The following RABL3 variants were observed in gnomAD, a reference collection of about 807,000 sequenced individuals.
RABL3 encodes rab-like protein 3.
A neutral mutation model predicts 31.8 loss-of-function variants in RABL3; 31 were observed. The observed-to-expected ratio is 0.97, with a 90% CI of 0.73 to 1.31. The LOEUF is 1.31. RABL3 is among the 40% of genes most tolerant of loss of function. RABL3 has a pLI of 0.00. For missense variants in RABL3, 263 were observed against 279.6 expected, an observed-to-expected ratio of 0.94 and a Z score of 0.42; for synonymous variants, 97 against 99.9, an observed-to-expected ratio of 0.97 and a Z score of 0.18.
chr3:120,696,836 C>G (rs751859166), intron 5 of RABL3, among the ~76,000 whole-genome samples: 1 of 152,124 alleles, frequency 6.6e-6, no homozygotes, highest in African/African-American at 2.4e-5. Flanking sequence ...TCAGTGCTGA[C>G]TACCTGGGGT....
chr3:120,729,994 G>A (rs1300160341), intron 2 of RABL3, among the ~76,000 whole-genome samples: 4 of 151,410 alleles, frequency 2.6e-5, no homozygotes, highest in African/African-American at 9.7e-5. Context: ...TATTTTAAAA[G>A]CAACCAAAGA....
intron 2 of RABL3, among the ~76,000 whole-genome samples, chr3:120,721,132 T>A (rs951982315): frequency 2.0e-5 from 3 of 152,136 alleles, no homozygotes; most frequent in African/African-American, 7.2e-5. Flanking sequence ...GATAAGCAAA[T>A]GCTGAGAGAT....
intron 6 of RABL3, 93 bp from the exon 7 acceptor site, chr3:120,690,580 C>T: frequency 1.2e-6 from 1 of 831,902 alleles, no homozygotes; most frequent in Non-Finnish European, 2.0e-6. Flanking sequence ...AGGAATATAT[C>T]CAAACTAAGA....
intron 1 of RABL3, among the ~76,000 whole-genome samples, chr3:120,733,243 A>T (rs565081059): frequency 1.3e-5 from 2 of 152,196 alleles, no homozygotes; most frequent in East Asian, 3.9e-4. Context: ...TGACTTTTTA[A>T]TGATCGCCAT....
At chr3:120,695,524 G>A (rs1174585073) in intron 5 of RABL3, among the ~76,000 whole-genome samples, 1 of 152,082 alleles carries the variant, frequency 6.6e-6, no homozygotes, top group East Asian at 1.9e-4. Context: ...GACATACTGG[G>A]TAGTAAAATA....
intron 2 of RABL3, among the ~76,000 whole-genome samples, chr3:120,712,289 C>T (rs1708621310): frequency 6.6e-6 from 1 of 152,024 alleles, no homozygotes; most frequent in Admixed American, 6.6e-5. Flanking sequence ...AGTTGAGGAC[C>T]ATTTGGGATA....
intron 2 of RABL3, among the ~76,000 whole-genome samples, chr3:120,713,919 T>C (rs1708638866): frequency 6.6e-6 from 1 of 151,358 alleles, no homozygotes; most frequent in Admixed American, 6.6e-5. Flanking sequence ...TCAGCGATTC[T>C]CCTGCCTCAG....
At chr3:120,736,194 T>C (rs1576349485) in intron 1 of RABL3, among the ~76,000 whole-genome samples, 1 of 152,196 alleles carries the variant, frequency 6.6e-6, no homozygotes, top group East Asian at 1.9e-4. Flanking sequence ...TCTTTGTAGG[T>C]CTCCAAGGAC....
chr3:120,733,600 T>G (rs543284271), intron 1 of RABL3, among the ~76,000 whole-genome samples: 1 of 152,228 alleles, frequency 6.6e-6, no homozygotes, highest in Non-Finnish European at 1.5e-5. Flanking sequence ...TTGCCATTGC[T>G]TTTGGTGTTT....
chr3:120,737,460 G>A (rs2107599219), intron 1 of RABL3, among the ~76,000 whole-genome samples: 1 of 152,324 alleles, frequency 6.6e-6, no homozygotes, highest in Admixed American at 6.5e-5. Context: ...TCTTTGCAAT[G>A]GGTTTGAACT....
chr3:120,739,295 T>C (rs1709012483), intron 1 of RABL3, among the ~76,000 whole-genome samples: 1 of 151,724 alleles, frequency 6.6e-6, no homozygotes, highest in South Asian at 2.1e-4. Flanking sequence ...GAGAATCACT[T>C]GAACCCAGGA....
chr3:120,720,971 A>G (rs1708732900), intron 2 of RABL3, among the ~76,000 whole-genome samples: 1 of 151,928 alleles, frequency 6.6e-6, no homozygotes, highest in Non-Finnish European at 1.5e-5. Flanking sequence ...AGCACATCAG[A>G]CTAACAGCTG....
At chr3:120,704,927 G>A (rs1232170677) in intron 4 of RABL3, among the ~76,000 whole-genome samples, 2 of 152,106 alleles carry the variant, frequency 1.3e-5, no homozygotes, top group African/African-American at 2.4e-5. Context: ...TTGGGAGGCC[G>A]AGGCACAATA....
intron 4 of RABL3, among the ~76,000 whole-genome samples, chr3:120,702,855 C>T (rs2107579496): frequency 6.6e-6 from 1 of 152,284 alleles, no homozygotes; most frequent in Non-Finnish European, 1.5e-5. Context: ...CCGCGCCGGG[C>T]CCAGAAGGGA....
At chr3:120,725,034 T>C (rs549979815) in intron 2 of RABL3, among the ~76,000 whole-genome samples, 3 of 151,770 alleles carry the variant, frequency 2.0e-5, no homozygotes, top group Non-Finnish European at 4.4e-5. Flanking sequence ...TGGGAGAAAA[T>C]GTTTGCAATC....
intron 5 of RABL3, among the ~76,000 whole-genome samples, chr3:120,695,456 G>T (rs1708426711): frequency 6.6e-6 from 1 of 152,034 alleles, no homozygotes; most frequent in Non-Finnish European, 1.5e-5. Context: ...TTGTGGAATG[G>T]GGATAACAAT....
At chr3:120,738,329 C>T (rs1028137730) in intron 1 of RABL3, among the ~76,000 whole-genome samples, 8 of 152,206 alleles carry the variant, frequency 5.3e-5, no homozygotes, top group Non-Finnish European at 1.2e-4. Flanking sequence ...TCCTGGTGTG[C>T]TGTTTGCTAA....
At chr3:120,691,444 C>G (rs1708379061) in intron 6 of RABL3, among the ~76,000 whole-genome samples, 1 of 152,054 alleles carries the variant, frequency 6.6e-6, no homozygotes, top group Non-Finnish European at 1.5e-5. Flanking sequence ...ACTTTTTTCA[C>G]TTTCAGTATA....
intron 5 of RABL3, 95 bp downstream of exon 5, chr3:120,698,328 T>C: frequency 1.7e-6 from 2 of 1,205,484 alleles, no homozygotes; most frequent in East Asian, 2.3e-5. Flanking sequence ...ATTTCAAGTA[T>C]AAAGCTTCTT....
Sources: allele counts gnomAD v4.1 joint callset (sites outside exome capture counted in the v4.1 genomes callset), GRCh38; gene constraint gnomAD v4.1.1; transcripts MANE v1.5; gene names NCBI Gene and HGNC (gene_info 2026-07-23, HGNC 2026-07-21).